Variants in THAP8 observed in about 807,000 individuals in gnomAD.
The protein encoded by THAP8 is THAP domain containing 8, also known as THAP domain-containing protein 8.
In THAP8, 24 loss-of-function variants were observed where a neutral mutation model predicts 25.0. That is an observed-to-expected ratio of 0.96 (90% CI 0.69 to 1.35). The LOEUF (loss-of-function observed/expected upper bound fraction) is 1.35. THAP8 is among the 40% of genes most tolerant of loss of function. The probability of loss-of-function intolerance (pLI) is 0.00; values close to 1 mark genes in which losing one functional copy is unlikely to be tolerated. For synonymous variants in THAP8, 169 were observed against 157.6 expected (o/e 1.07, Z -0.54); for missense variants, 399 against 368.8 (o/e 1.08, Z -0.67).
intron 1 of THAP8, among the ~76,000 whole-genome samples, chr19:36,051,900 C>T (rs1220743604): frequency 6.6e-6 from 1 of 152,170 alleles, no homozygotes; most frequent in African/African-American, 2.4e-5. Flanking sequence ...AGCCACTCCC[C>T]ACTGCTCGCA....
chr19:36,039,914 A>C, intron 2 of THAP8, 30 bp downstream of exon 2: 1 of 1,610,826 alleles, frequency 6.2e-7, no homozygotes, highest in Non-Finnish European at 8.5e-7. Flanking sequence ...TGGGGGTTGG[A>C]TTCCAGCAGC....
chr19:36,039,728 AAG>A lies in THAP8; in HGVS notation c.277-12_277-11del. On this transcript the variant is annotated splice_polypyrimidine_tract_variant and intron_variant, in intron 2 of 3. Coordinates refer to ENST00000292894, the MANE Select transcript of THAP8 (RefSeq NM_152658.3). Reference sequence around the variant, plus strand: ...GGGTCCTCCGCTGACTCTGGAAGACAAGGCATGGGGTGCAGGGGTGCCGTGGT... The same window carrying A: ...GGGTCCTCCGCTGACTCTGGAAGACAGCATGGGGTGCAGGGGTGCCGTGGT... The A allele has an allele frequency of 4.0e-6, 6 of 1,510,444 alleles. No individual in the cohort carries two copies. The highest frequency in any genetic ancestry group is 5.3e-6 in the Non-Finnish European group (6 of 1,129,150). The allele number at this position is 1,510,444 out of a possible 1,614,324, so 93.6% of individuals were successfully genotyped here. A position where few individuals can be genotyped will look rare whatever the true frequency, so the allele number is the denominator to read the frequency against.
At chr19:36,043,609 G>A (rs897002371) in intron 1 of THAP8, among the ~76,000 whole-genome samples, 3 of 152,294 alleles carry the variant, frequency 2.0e-5, no homozygotes, top group Non-Finnish European at 4.4e-5. Flanking sequence ...GCTCACGCCT[G>A]TAATCCCAGC....
intron 3 of THAP8, among the ~76,000 whole-genome samples, chr19:36,037,128 G>A (rs759223095): frequency 1.3e-5 from 2 of 151,722 alleles, no homozygotes; most frequent in Middle Eastern, 3.2e-3. Flanking sequence ...TTTTAAGACA[G>A]GAGAAATTTC....
intron 3 of THAP8, among the ~76,000 whole-genome samples, chr19:36,037,679 G>A (rs571216706): frequency 9.9e-5 from 15 of 152,148 alleles, no homozygotes; most frequent in South Asian, 6.2e-4. Context: ...TGCTCTTGTC[G>A]CCTACGCTGG....
In THAP8 at chr19:36,040,030, G is replaced by A. The variant is rs139316523; in HGVS notation, c.190C>T (p.Pro64Ser). 2.0e-5 allele frequency: 33 copies of A among 1,613,736 alleles called. No individual in the cohort carries two copies. The highest frequency in any genetic ancestry group is 2.7e-5 in the African/African-American group (2 of 74,912). The change falls in exon 2 of 4, where the codon CCC (proline) becomes TCC (serine). Residue 64 changes from proline to serine, a missense_variant. Physicochemically the swap from Pro to Ser is moderately conservative, Grantham distance 74. Coordinates refer to ENST00000292894, the MANE Select transcript of THAP8 (RefSeq NM_152658.3). ...CCCCAGCGCCACTGGAAGCAGGAGG[G>A]TGTGAAGTGCTCGCTGCACAAGTGC... is the stretch of plus-strand genomic sequence containing the variant. ...HQHLCSEHFT[P>S]SCFQWRWGVR...
chr19:36,039,376 G>T lies in THAP8; in HGVS notation c.619C>A (p.Gln207Lys), dbSNP rs1969596421. 1 of 1,538,186 alleles carries T rather than the reference G, an allele frequency of 6.5e-7. No individual in the cohort carries two copies. The highest frequency in any genetic ancestry group is 8.7e-7 in the Non-Finnish European group (1 of 1,146,434). ...GCCAGCAGGCTCTCCCCGTGTAGCT[G>T]CTGTGCCAGCCGTTCCAGGGCCTGC... is the stretch of plus-strand genomic sequence containing the variant. Reference protein sequence around the residue: ...QLQALERLAQQLHGESLLARA... With the variant: ...QLQALERLAQKLHGESLLARA... The change falls in exon 3 of 4, where the codon CAG (glutamine) becomes AAG (lysine). Residue 207 changes from glutamine to lysine, a missense_variant. Physicochemically the swap from Gln to Lys is moderately conservative, Grantham distance 53. Transcript: ENST00000292894.
chr19:36,045,697 A>G (rs1042293953), intron 1 of THAP8: 5 of 455,676 alleles, frequency 1.1e-5, no homozygotes, highest in African/African-American at 1.0e-4. Context: ...GGAGGAGAAT[A>G]TATTACCACA....
chr19:36,037,357 C>G (rs1248295535), intron 3 of THAP8, among the ~76,000 whole-genome samples: 4 of 151,374 alleles, frequency 2.6e-5, no homozygotes, highest in Middle Eastern at 3.4e-3. Context: ...CACACACACA[C>G]ACACACACAC....
At chr19:36,038,894 G>T (rs1017073663) in intron 3 of THAP8, among the ~76,000 whole-genome samples, 1 of 152,014 alleles carries the variant, frequency 6.6e-6, no homozygotes, top group Non-Finnish European at 1.5e-5. Flanking sequence ...AGCTCAAAGG[G>T]TCATAGTGAG....
rs1969385457 is a variant in THAP8, at chr19:36,035,180, T to C, written c.*260A>G. 4.8e-6 allele frequency: 2 copies of C among 421,002 alleles called. No individual in the cohort carries two copies. Among genetic ancestry groups the C allele is most frequent in the South Asian group, 4.5e-5 (1 of 22,288 alleles). 26.1% of individuals were successfully genotyped at this position (421,002 alleles called of 1,614,324 possible). ...AACAACCCTTGCTCTGCTCTGAGGC[T>C]GTCGTACTGATTTGCAAAGATCTGA... is the stretch of plus-strand genomic sequence containing the variant. On this transcript the variant is annotated 3_prime_UTR_variant, in exon 4 of 4. Coordinates refer to ENST00000292894, the MANE Select transcript of THAP8 (RefSeq NM_152658.3).
In THAP8 at chr19:36,043,871, G is replaced by C. The variant is rs545060871; in HGVS notation, c.84-3735C>G. On this transcript the variant is annotated intron_variant, in intron 1 of 3. Coordinates refer to ENST00000292894, the MANE Select transcript of THAP8 (RefSeq NM_152658.3). ...CCACTGCACTACAACCTGGGCGACA[G>C]AGCAAGACTCCATCTCAAAAAAAAA... Among the ~76,000 whole-genome samples the C allele has an allele frequency of 2.7e-3, 414 of 152,256 alleles. 2 individuals carry two copies. The highest frequency in any genetic ancestry group is 9.3e-3 in the African/African-American group (388 of 41,556).
intron 3 of THAP8, among the ~76,000 whole-genome samples, chr19:36,037,546 G>A (rs1399354005): frequency 6.6e-6 from 1 of 152,140 alleles, no homozygotes; most frequent in Non-Finnish European, 1.5e-5. Context: ...CATGTTGGCT[G>A]CCTGACTGTG....
At chr19:36,044,721 G>C (rs1465265277) in intron 1 of THAP8, among the ~76,000 whole-genome samples, 1 of 152,102 alleles carries the variant, frequency 6.6e-6, no homozygotes, top group African/African-American at 2.4e-5. Flanking sequence ...TTGAACTCCT[G>C]GGCTGAAGTG....
intron 1 of THAP8, among the ~76,000 whole-genome samples, chr19:36,047,948 C>A (rs1969931696): frequency 6.6e-6 from 1 of 152,178 alleles, no homozygotes; most frequent in African/African-American, 2.4e-5. Context: ...AAAATAAACC[C>A]TGTAATAGAA....
chr19:36,039,440 C>T lies in THAP8; in HGVS notation c.555G>A (p.Arg185=). The T allele has an allele frequency of 6.3e-7, 1 of 1,590,128 alleles. No homozygotes were observed. Among genetic ancestry groups the T allele is most frequent in the South Asian group, 1.1e-5 (1 of 88,034 alleles). ...GCCGCTCCTGGCACCGTTGCAGCCT[C>T]CGCACCCGGCGTTGCAGTGCTCCCA... ...PVLGALQRRV[R]RLQRCQERHQ... The change falls in exon 3 of 4, where the codon CGG becomes CGA. Residue 185 remains arginine, a synonymous_variant. Transcript: ENST00000292894.
intron 3 of THAP8, among the ~76,000 whole-genome samples, chr19:36,037,353 C>G (rs1969509059): frequency 6.7e-6 from 1 of 150,274 alleles, no homozygotes; most frequent in South Asian, 2.1e-4. Context: ...TACACACACA[C>G]ACACACACAC....
At position 36,049,769 on chromosome 19, in the gene THAP8, C is replaced by T. The variant is rs112424385; in HGVS notation, c.83+4366G>A. On this transcript the variant is annotated intron_variant, in intron 1 of 3. Coordinates refer to ENST00000292894, the MANE Select transcript of THAP8 (RefSeq NM_152658.3). ...GTTATGAGAGAGGTAAGAGTGGAAA[C>T]GGGCCAGGCACGGTTGCTCACGCCT... 1.3e-3 allele frequency among the ~76,000 whole-genome samples: 203 copies of T among 152,218 alleles called. 1 individual carries two copies. Among genetic ancestry groups the T allele is most frequent in the African/African-American group, 4.7e-3 (197 of 41,522 alleles).
chr19:36,044,356 TAAAAG>T (rs1173647885), intron 1 of THAP8, among the ~76,000 whole-genome samples: 15 of 152,124 alleles, frequency 9.9e-5, no homozygotes, highest in East Asian at 1.9e-4. Context: ...CAAAGATACT[TAAAAG>T]AGAAACTTTA....
Sources: gnomAD v4.1 joint callset for allele counts (sites outside exome capture counted in the v4.1 genomes callset) on GRCh38, gnomAD v4.1.1 for gene constraint, MANE v1.5 for transcripts, NCBI Gene and HGNC (gene_info 2026-07-23, HGNC 2026-07-21) for gene names.